The following MYRFL variants were observed in gnomAD, a reference collection of about 807,000 sequenced individuals.
MYRFL encodes myelin regulatory factor like.
MYRFL carries 88 observed loss-of-function variants against 109.4 expected under a neutral mutation model. The ratio of observed to expected loss-of-function variants is 0.80; its 90% CI spans 0.68 to 0.96. The LOEUF (loss-of-function observed/expected upper bound fraction) is 0.96, where lower values mean the gene tolerates loss of function less well. Ranked by LOEUF, MYRFL falls within the 40% of genes least tolerant of loss-of-function variation. The pLI, the probability that MYRFL is intolerant of heterozygous loss-of-function variation, is 0.00. For synonymous variants in MYRFL, 324 were observed against 320.9 expected (o/e 1.01, Z -0.10); for missense variants, 957 against 954.9 (o/e 1.00, Z -0.03).
chr12:69,912,038 T>A (rs2120394815), intron 13 of MYRFL, among the ~76,000 whole-genome samples: 2 of 152,284 alleles, frequency 1.3e-5, no homozygotes, highest in Middle Eastern at 6.8e-3. Flanking sequence ...GAGGATGCCT[T>A]TTCATGTTAG....
intron 15 of MYRFL, among the ~76,000 whole-genome samples, 195 bp downstream of exon 15, chr12:69,927,943 G>A (rs974999135): frequency 2.0e-5 from 3 of 152,228 alleles, no homozygotes; most frequent in South Asian, 2.1e-4. Flanking sequence ...TTAGAGAAAC[G>A]AGTACAGAAT....
At chr12:69,930,278 G>C (rs1038458636) in intron 15 of MYRFL, among the ~76,000 whole-genome samples, 1 of 152,082 alleles carries the variant, frequency 6.6e-6, no homozygotes. Context: ...AGCCTGGCTG[G>C]GCCCTGCCTT....
intron 1 of MYRFL, among the ~76,000 whole-genome samples, chr12:69,839,889 C>A (rs1184272323): frequency 6.6e-6 from 1 of 152,148 alleles, no homozygotes; most frequent in Non-Finnish European, 1.5e-5. Context: ...ACCTGGGTCC[C>A]ACATCCTCAA....
intron 13 of MYRFL, among the ~76,000 whole-genome samples, chr12:69,916,830 C>G (rs915051432): frequency 6.6e-6 from 1 of 152,090 alleles, no homozygotes; most frequent in Non-Finnish European, 1.5e-5. Flanking sequence ...AAAAATATTT[C>G]ATTTTCTCAA....
At chr12:69,885,628 T>C (rs573465778) in intron 5 of MYRFL, among the ~76,000 whole-genome samples, 1 of 152,300 alleles carries the variant, frequency 6.6e-6, no homozygotes, top group African/African-American at 2.4e-5. Context: ...ACCATACCAA[T>C]ACCATTTTAC....
chr12:69,951,148 A>T (rs1955963617), intron 19 of MYRFL, among the ~76,000 whole-genome samples: 1 of 152,212 alleles, frequency 6.6e-6, no homozygotes, highest in South Asian at 2.1e-4. Flanking sequence ...GGCATTGGAA[A>T]GGAGGGATCT....
intron 2 of MYRFL, among the ~76,000 whole-genome samples, chr12:69,859,512 G>C (rs1884506413): frequency 6.6e-6 from 1 of 152,292 alleles, no homozygotes; most frequent in South Asian, 2.1e-4. Context: ...AAACATAATT[G>C]TATTGAATTG....
chr12:69,937,788 T>C (rs1955516362), intron 19 of MYRFL, among the ~76,000 whole-genome samples: 1 of 152,220 alleles, frequency 6.6e-6, no homozygotes, highest in Non-Finnish European at 1.5e-5. Flanking sequence ...TGGGGTGCAA[T>C]GTAATTTCCT....
chr12:69,946,466 A>T (rs1019199428), intron 19 of MYRFL: 1 of 131,262 alleles, frequency 7.6e-6, no homozygotes, highest in Middle Eastern at 4.1e-3. Context: ...GTGGCACCTG[A>T]CTTTTTGGCC....
chr12:69,852,579 A>ATTTTTTTTTTTTTTTTTTTTTTTTT (rs61145700), intron 1 of MYRFL, among the ~76,000 whole-genome samples: 1 of 112,212 alleles, frequency 8.9e-6, no homozygotes, highest in South Asian at 3.1e-4. Context: ...TTAATTTTTA[A>ATTTTTTTTTTTTTTTTTTTTTTTTT]TTTTTTTTTT....
chr12:69,872,619 G>A (rs570616637), intron 2 of MYRFL, among the ~76,000 whole-genome samples: 1 of 152,166 alleles, frequency 6.6e-6, no homozygotes, highest in Admixed American at 6.5e-5. Context: ...TCCTGCCTCA[G>A]CCTCGTGAGT....
intron 11 of MYRFL, among the ~76,000 whole-genome samples, chr12:69,905,261 C>T (rs1954318900): frequency 6.6e-6 from 1 of 152,210 alleles, no homozygotes; most frequent in South Asian, 2.1e-4. Context: ...ACCCTTCCTG[C>T]TACCACCAGG....
intron 9 of MYRFL, among the ~76,000 whole-genome samples, 166 bp from the exon 10 acceptor site, chr12:69,896,988 CTT>C (rs1954016743): frequency 6.6e-6 from 1 of 152,244 alleles, no homozygotes; most frequent in African/African-American, 2.4e-5. Context: ...CAACTACTCT[CTT>C]GTTTCACTGG....
In MYRFL at chr12:69,936,126, G is replaced by A; in HGVS notation, c.1930G>A (p.Val644Ile). The change falls in exon 17 of 25, where the codon GTT (valine) becomes ATT (isoleucine). Residue 644 changes from valine to isoleucine, a missense_variant. By Grantham distance (29) the Val-to-Ile change is conservative. Coordinates refer to ENST00000552032, the MANE Select transcript of MYRFL (RefSeq NM_182530.3). Reference sequence around the variant, plus strand: ...TTTTTTTGACAGTGCTTTGACGATAGTTGCCCTCTATATACTTAGCTTAAA... The same window carrying A: ...TTTTTTTGACAGTGCTTTGACGATAATTGCCCTCTATATACTTAGCTTAAA... Reference protein sequence around the residue: ...AVMAFCALTIVALYILSLKDQ... With the variant: ...AVMAFCALTIIALYILSLKDQ... 5 of 451,452 alleles carry A rather than the reference G, an allele frequency of 1.1e-5. No individual in the cohort carries two copies. Among genetic ancestry groups the A allele is most frequent in the Non-Finnish European group, 1.5e-5 (4 of 263,220 alleles). The allele number at this position is 451,452 out of a possible 1,614,324, so 28.0% of individuals were successfully genotyped here.
At chr12:69,946,723 A>T (rs931308501) in intron 19 of MYRFL, 1 of 152,242 alleles carries the variant, frequency 6.6e-6, no homozygotes, top group African/African-American at 2.4e-5. Context: ...CTGCTGATTT[A>T]TACCAAATTA....
chr12:69,899,888 A>T (rs896074002), intron 10 of MYRFL, among the ~76,000 whole-genome samples: 3 of 152,170 alleles, frequency 2.0e-5, no homozygotes, highest in African/African-American at 4.8e-5. Context: ...CAAAGAACAG[A>T]TTTATTTGCA....
chr12:69,944,889 G>A (rs1955784259), intron 19 of MYRFL, among the ~76,000 whole-genome samples: 3 of 151,926 alleles, frequency 2.0e-5, no homozygotes, highest in Admixed American at 2.0e-4. Flanking sequence ...TTAAAAAAGT[G>A]ATGGATATCC....
chr12:69,895,358 C>A lies in MYRFL; in HGVS notation c.981-13C>A. 7.4e-7 allele frequency: 1 copy of A among 1,347,366 alleles called. No individual in the cohort carries two copies. Among genetic ancestry groups the A allele is most frequent in the Non-Finnish European group, 1.0e-6 (1 of 997,410 alleles). 83.5% of individuals were successfully genotyped at this position (1,347,366 alleles called of 1,614,324 possible). A position where few individuals can be genotyped will look rare whatever the true frequency, so the allele number is the denominator to read the frequency against. ...ATAGTCTCTTGGTTTTTTTTTTTTG[C>A]TGTTTGTTTTAGAATTGACCTACTG... On this transcript the variant is annotated splice_polypyrimidine_tract_variant and intron_variant, in intron 8 of 24. Coordinates refer to ENST00000552032, the MANE Select transcript of MYRFL (RefSeq NM_182530.3).
chr12:69,877,934 A>G (rs917011979), intron 2 of MYRFL, among the ~76,000 whole-genome samples: 5 of 152,140 alleles, frequency 3.3e-5, no homozygotes, highest in African/African-American at 9.7e-5. Context: ...GTGGTAGTAC[A>G]CATTTTTTTA....
Sources: allele counts gnomAD v4.1 joint callset (sites outside exome capture counted in the v4.1 genomes callset), GRCh38; gene constraint gnomAD v4.1.1; transcripts MANE v1.5; gene names NCBI Gene and HGNC (gene_info 2026-07-23, HGNC 2026-07-21).